PPRC1: variants seen among roughly 807,000 people sequenced by gnomAD.
PPRC1 encodes peroxisome proliferator-activated receptor gamma coactivator-related protein 1.
In PPRC1, 23 loss-of-function variants were observed where a neutral mutation model predicts 132.5. That is an observed-to-expected ratio of 0.17 (90% CI 0.12 to 0.25). The LOEUF (loss-of-function observed/expected upper bound fraction) is 0.25. PPRC1 is among the 10% of genes least tolerant of loss of function. PPRC1 has a pLI of 1.00. For missense variants in PPRC1, 2,006 were observed against 2,089.1 expected, an observed-to-expected ratio of 0.96 and a Z score of 0.78; for synonymous variants, 872 against 833.5, an observed-to-expected ratio of 1.05 and a Z score of -0.80.
In PPRC1 at chr10:102,139,470, C is replaced by T. The variant is rs760817486; in HGVS notation, c.962C>T (p.Thr321Ile). The stretch of plus-strand genomic sequence containing the variant: ...CACCCATACTGCCTGCCCAACCTCA[C>T]CCACCTGGCATCACTTGAGGATGAG... ...AMHPYCLPNL[T>I]HLASLEDELQ... The change falls in exon 5 of 14, where the codon ACC becomes ATC. Residue 321 changes from threonine to isoleucine, a missense_variant. This residue lies in a region of PPRC1 where 1,914 missense variants were observed against 1,917.2 expected (regional missense o/e 1.00). Transcript: ENST00000278070. 10 of 1,613,930 alleles carry T rather than the reference C, an allele frequency of 6.2e-6. No individual in the cohort carries two copies. Among genetic ancestry groups the T allele is most frequent in the Non-Finnish European group, 8.5e-6 (10 of 1,179,902 alleles).
rs954547004 is a variant in PPRC1, at chr10:102,150,071, G to A, written c.*42G>A. On this transcript the variant is annotated 3_prime_UTR_variant, in exon 14 of 14. Coordinates refer to ENST00000278070, the MANE Select transcript of PPRC1 (RefSeq NM_015062.5). Reference sequence around the variant, plus strand: ...GCTATCCTTTTTCTCCTTTGGAGGTGCCCAACCTCCTCCACCCCCTTCCCC... The same window carrying A: ...GCTATCCTTTTTCTCCTTTGGAGGTACCCAACCTCCTCCACCCCCTTCCCC... 1.9e-5 allele frequency: 27 copies of A among 1,453,668 alleles called. No homozygotes were observed. The highest frequency in any genetic ancestry group is 1.7e-4 in the Middle Eastern group (1 of 5,766). The allele number at this position is 1,453,668 out of a possible 1,614,324, so 90.0% of individuals were successfully genotyped here. A position where few individuals can be genotyped will look rare whatever the true frequency, so the allele number is the denominator to read the frequency against.
chr10:102,127,357 GAGTGAGACTCCGTCTCAA>G, the PPRC1 span, among the ~76,000 whole-genome samples: 1 of 151,768 alleles, frequency 6.6e-6, no homozygotes, highest in African/African-American at 2.4e-5. Flanking sequence ...CTGGGCAGCA[GAGTGAGACTCCGTCTCAA>G]AAAAATAAAT....
rs2068911321 is a variant in PPRC1 at position 102,140,450 on chromosome 10, C to A, written c.1942C>A (p.Pro648Thr). 3 of 1,614,048 alleles carry A rather than the reference C, an allele frequency of 1.9e-6. No individual in the cohort carries two copies. The highest frequency in any genetic ancestry group is 1.7e-6 in the Non-Finnish European group (2 of 1,180,036). Residue 648 changes from proline (P) to threonine (T), a missense_variant, in exon 5 of 14, where the codon CCC becomes ACC. Pro to Thr is a conservative substitution (Grantham distance 38, BLOSUM62 -1). Around this residue, in one of 2 missense-constraint regions of PPRC1, gnomAD observed 1,914 missense variants for 1,917.2 expected, o/e 1.00. Coordinates refer to ENST00000278070, the MANE Select transcript of PPRC1 (RefSeq NM_015062.5). ...AGCAGCAGTTGACCCTGCAGTGGTT[C>A]CCATCTCAGATAACTTGCCACCAGT... The part of the protein sequence containing the change: ...DSAAVDPAVV[P>T]ISDNLPPVDA...
intron 1 of PPRC1, among the ~76,000 whole-genome samples, chr10:102,134,659 C>T (rs574271029): frequency 3.3e-5 from 5 of 152,268 alleles, no homozygotes; most frequent in Admixed American, 6.5e-5. Flanking sequence ...GATCCCTTCT[C>T]CCCTACTTTC....
chr10:102,127,019 TCATATATATATA>T, the PPRC1 span, among the ~76,000 whole-genome samples: 1,405 of 78,852 alleles, frequency 0.018, 50 homozygotes, highest in Non-Finnish European at 0.02. Context: ...TGGTTTTTTA[TCATATATATATA>T]TATATATATA....
At chr10:102,119,980 C>A in the PPRC1 span, 1 of 867,798 alleles carries the variant, frequency 1.2e-6, no homozygotes, top group Non-Finnish European at 1.6e-6. Context: ...CCCGGCTTCC[C>A]CCATGCCATC....
rs377421036 is a variant in PPRC1, at chr10:102,138,991, C to T, written c.591+11C>T. On this transcript the variant is annotated intron_variant, in intron 4 of 13. Transcript: ENST00000278070. ...AGTAGAGGGAGTGGGGTAAGCCTGA[C>T]CTAGAGGGTTTCAGAAACTCCCAGG... 2 of 1,610,874 alleles carry T rather than the reference C, an allele frequency of 1.2e-6. No individual in the cohort carries two copies. The highest frequency in any genetic ancestry group is 2.7e-5 in the African/African-American group (2 of 74,830).
At chr10:102,120,984 A>G in the PPRC1 span, among the ~76,000 whole-genome samples, 2 of 152,194 alleles carry the variant, frequency 1.3e-5, no homozygotes, top group African/African-American at 4.8e-5. Context: ...GTAAAGAAGC[A>G]TTCTCTTAAT....
chr10:102,139,079 G>A (rs17847382), intron 4 of PPRC1, 21 bp from the exon 5 acceptor site: 1 of 1,608,148 alleles, frequency 6.2e-7, no homozygotes, highest in East Asian at 2.2e-5. Flanking sequence ...CTCCTCCTGA[G>A]ACCTCTCTTC....
rs754087882 is a variant in PPRC1, at chr10:102,148,367, T to C, written c.4401-5T>C. On this transcript the variant is annotated splice_polypyrimidine_tract_variant and splice_region_variant and intron_variant, in intron 9 of 13. Coordinates refer to ENST00000278070, the MANE Select transcript of PPRC1 (RefSeq NM_015062.5). This position sits in a 1 kb window ranked among gnomAD's most constrained non-coding sequence, Gnocchi z 4.2. Reference sequence around the variant, plus strand: ...AGCATTCCTGCATGCCCTCTTATCCTTCAGGTCCAGCTGTAGTTCCTCTGG... The same window carrying C: ...AGCATTCCTGCATGCCCTCTTATCCCTCAGGTCCAGCTGTAGTTCCTCTGG... 6.2e-6 allele frequency: 10 copies of C among 1,612,606 alleles called. No individual in the cohort carries two copies. The highest frequency in any genetic ancestry group is 2.0e-4 in the Middle Eastern group (1 of 5,106).
chr10:102,147,522 T>C, intron 9 of PPRC1, 130 bp downstream of exon 9: 3 of 1,282,578 alleles, frequency 2.3e-6, no homozygotes, highest in Non-Finnish European at 3.2e-6. Flanking sequence ...TGACTTTGGC[T>C]TTTGTGTTTT....
At chr10:102,130,978 G>T (rs2068530477), upstream of PPRC1, among the ~76,000 whole-genome samples, 1 of 151,990 alleles carries the variant, frequency 6.6e-6, no homozygotes, top group South Asian at 2.1e-4. Context: ...AAATCACGAG[G>T]TCAAGAGATC....
chr10:102,142,753 C>T (rs889293220), intron 5 of PPRC1, among the ~76,000 whole-genome samples: 1 of 152,234 alleles, frequency 6.6e-6, no homozygotes, highest in East Asian at 1.9e-4. Flanking sequence ...CTGTGTTGCC[C>T]AGGCTGGACT....
Position 102,146,662 on chromosome 10 carries a change from C to T in PPRC1, c.3680-10C>T. Reference sequence around the variant, plus strand: ...CATCCTGCTATCTCCATCCTCCCTCCCCACCACAGGGCTCACCCCTCCAGC... The same window carrying T: ...CATCCTGCTATCTCCATCCTCCCTCTCCACCACAGGGCTCACCCCTCCAGC... On this transcript the variant is annotated splice_polypyrimidine_tract_variant and intron_variant, in intron 8 of 13. Transcript: ENST00000278070. 6.3e-7 allele frequency: 1 copy of T among 1,596,596 alleles called. No homozygotes were observed. Among genetic ancestry groups the T allele is most frequent in the East Asian group, 2.2e-5 (1 of 44,628 alleles).
the PPRC1 span, among the ~76,000 whole-genome samples, chr10:102,127,041 AT>A: frequency 0.011 from 654 of 56,978 alleles, 46 homozygotes; most frequent in African/African-American, 0.022. Context: ...ATATATATAT[AT>A]ATATATATAT....
rs746674896 is a variant in PPRC1 at position 102,147,012 on chromosome 10, T to C, written c.4020T>C (p.Ala1340=). Residue 1340 remains alanine, a synonymous_variant, in exon 9 of 14, where the codon GCT becomes GCC. Transcript: ENST00000278070. ...TIKPVLSLGP[A]APPPPCIAAS... ...AACCTGTCTTGTCCTTGGGCCCAGCTGCCCCTCCGCCCCCATGCATAGCTG... is the reference window on the plus strand; with the variant it reads ...AACCTGTCTTGTCCTTGGGCCCAGCCGCCCCTCCGCCCCCATGCATAGCTG... 2 of 1,614,034 alleles carry C rather than the reference T, an allele frequency of 1.2e-6. No individual in the cohort carries two copies. Among genetic ancestry groups the C allele is most frequent in the African/African-American group, 2.7e-5 (2 of 74,924 alleles).
At chr10:102,145,708 C>CA (rs1446638025) in intron 8 of PPRC1, among the ~76,000 whole-genome samples, 1 of 148,490 alleles carries the variant, frequency 6.7e-6, no homozygotes, top group East Asian at 2.0e-4. Context: ...ACTAAAAATA[C>CA]AAAAAAATTA....
the PPRC1 span, among the ~76,000 whole-genome samples, chr10:102,123,104 G>A: frequency 1.3e-5 from 2 of 152,156 alleles, no homozygotes; most frequent in African/African-American, 4.8e-5. Flanking sequence ...TTACCGGTAA[G>A]GAAATACCAT....
chr10:102,144,773 T>A, intron 7 of PPRC1: 1 of 532,240 alleles, frequency 1.9e-6, no homozygotes, highest in South Asian at 2.4e-5. Flanking sequence ...TGAGACTCGA[T>A]GTGAAGGAGG....
Sources: allele counts gnomAD v4.1 joint callset (sites outside exome capture counted in the v4.1 genomes callset), GRCh38; gene constraint gnomAD v4.1.1; regional missense constraint gnomAD v4.1.1; non-coding constraint Gnocchi (gnomAD v3.1); transcripts MANE v1.5; gene names NCBI Gene and HGNC (gene_info 2026-07-23, HGNC 2026-07-21).